KLRG1: variants seen among roughly 807,000 people sequenced by gnomAD.
KLRG1 encodes killer cell lectin-like receptor subfamily G member 1.
In KLRG1, 16 loss-of-function variants were observed where a neutral mutation model predicts 21.8. The observed-to-expected ratio is 0.73, with a 90% CI of 0.50 to 1.11. The LOEUF (loss-of-function observed/expected upper bound fraction) is 1.11. Ranked by LOEUF, KLRG1 falls within the 50% of genes most tolerant of loss-of-function variation. The probability of loss-of-function intolerance (pLI) is 0.00; values close to 1 mark genes in which losing one functional copy is unlikely to be tolerated. For missense variants in KLRG1, 173 were observed against 218.3 expected, an observed-to-expected ratio of 0.79 and a Z score of 1.31; for synonymous variants, 69 against 75.9, an observed-to-expected ratio of 0.91 and a Z score of 0.47.
chr12:9,052,868 C>T, the KLRG1 span: 1 of 454,824 alleles, frequency 2.2e-6, no homozygotes, highest in Non-Finnish European at 4.4e-6. Flanking sequence ...AAAGCAGTGC[C>T]AGGCAGATGG....
At chr12:9,211,930 T>C in the KLRG1 span, among the ~76,000 whole-genome samples, 1 of 152,140 alleles carries the variant, frequency 6.6e-6, no homozygotes, top group Admixed American at 6.5e-5. Context: ...CCTGGGTAAA[T>C]TGGACTGCCT....
chr12:8,962,473 G>A (rs1946396784), intron 1 of KLRG1, among the ~76,000 whole-genome samples: 1 of 152,036 alleles, frequency 6.6e-6, no homozygotes, highest in Admixed American at 6.5e-5. Flanking sequence ...CAGAACTTTG[G>A]GAGGCTGAGG....
intron 1 of KLRG1, among the ~76,000 whole-genome samples, chr12:8,967,019 G>A (rs1462599716): frequency 2.4e-3 from 362 of 148,404 alleles, no homozygotes; most frequent in Non-Finnish European, 4.4e-3. Flanking sequence ...AAAATGATGA[G>A]TTCATGTCCT....
chr12:9,052,902 A>C, the KLRG1 span: 1 of 431,194 alleles, frequency 2.3e-6, no homozygotes, highest in Non-Finnish European at 4.5e-6. Context: ...TTGCCTTTTA[A>C]AAAATTAACC....
chr12:8,964,378 TG>T (rs1946429819), intron 1 of KLRG1, among the ~76,000 whole-genome samples: 1 of 152,242 alleles, frequency 6.6e-6, no homozygotes, highest in African/African-American at 2.4e-5. Context: ...AGTTCTAGTT[TG>T]ATTGCACTGT....
intron 1 of KLRG1, among the ~76,000 whole-genome samples, chr12:8,958,695 A>C (rs1325688084): frequency 6.6e-6 from 1 of 152,174 alleles, no homozygotes; most frequent in Non-Finnish European, 1.5e-5. Flanking sequence ...GTCTCTACAA[A>C]AAAACCTAAG....
At chr12:9,075,914 T>C in the KLRG1 span, among the ~76,000 whole-genome samples, 1 of 152,224 alleles carries the variant, frequency 6.6e-6, no homozygotes, top group Admixed American at 6.5e-5. Flanking sequence ...CCCTTTTGTA[T>C]ATCTATTATA....
the KLRG1 span, chr12:9,113,646 C>G: frequency 1.7e-6 from 2 of 1,161,936 alleles, no homozygotes; most frequent in African/African-American, 1.5e-5. Flanking sequence ...AGTTCTACAC[C>G]AAGAGAAGAT....
At chr12:9,049,967 T>A in the KLRG1 span, among the ~76,000 whole-genome samples, 1 of 152,312 alleles carries the variant, frequency 6.6e-6, no homozygotes, top group Middle Eastern at 3.4e-3. Flanking sequence ...ATTCCTCACT[T>A]CAAATCAAGA....
the KLRG1 span, among the ~76,000 whole-genome samples, chr12:9,191,307 C>T: frequency 7.2e-5 from 11 of 152,172 alleles, no homozygotes; most frequent in African/African-American, 2.6e-4. Context: ...GAACAATGTA[C>T]ACAGTGGGGT....
At chr12:9,171,571 T>G in the KLRG1 span, among the ~76,000 whole-genome samples, 3 of 152,018 alleles carry the variant, frequency 2.0e-5, no homozygotes, top group African/African-American at 7.2e-5. Context: ...TGTAACCCAA[T>G]GAAAAGAAGC....
At chr12:9,072,407 C>A in the KLRG1 span, 1 of 1,613,744 alleles carries the variant, frequency 6.2e-7, no homozygotes, top group Non-Finnish European at 8.5e-7. Flanking sequence ...GGGTTCATCA[C>A]AAGTTTGAGG....
the KLRG1 span, among the ~76,000 whole-genome samples, chr12:9,128,929 TCTAA>T: frequency 6.6e-5 from 10 of 152,200 alleles, no homozygotes; most frequent in African/African-American, 2.4e-4. Context: ...GTATTTAGGC[TCTAA>T]CTATGATAAA....
chr12:8,968,406 A>G (rs1216387279), intron 1 of KLRG1, among the ~76,000 whole-genome samples: 1 of 152,212 alleles, frequency 6.6e-6, no homozygotes, highest in Non-Finnish European at 1.5e-5. Context: ...ATAATTTTAT[A>G]AGGATAAAAG....
At chr12:9,093,395 A>G in the KLRG1 span, 1 of 1,044,792 alleles carries the variant, frequency 9.6e-7, no homozygotes, top group South Asian at 1.3e-5. Flanking sequence ...AAAACAGAAA[A>G]ACTAGCAAAG....
At chr12:9,111,304 T>A in the KLRG1 span, among the ~76,000 whole-genome samples, 2 of 152,154 alleles carry the variant, frequency 1.3e-5, no homozygotes, top group Non-Finnish European at 2.9e-5. Context: ...GGCAGATTTT[T>A]AAAAATCAAT....
the KLRG1 span, chr12:9,181,042 G>A: frequency 2.0e-5 from 33 of 1,614,184 alleles, no homozygotes; most frequent in South Asian, 9.9e-5. Context: ...TCCACAGCAC[G>A]AAGGGCACAG....
At chr12:9,080,738 A>G in the KLRG1 span, among the ~76,000 whole-genome samples, 2 of 152,222 alleles carry the variant, frequency 1.3e-5, no homozygotes, top group Non-Finnish European at 2.9e-5. Context: ...TGAAAATAAA[A>G]TAATTACTAC....
intron 1 of KLRG1, among the ~76,000 whole-genome samples, chr12:8,962,623 G>A (rs1215391599): frequency 1.3e-5 from 2 of 151,736 alleles, no homozygotes; most frequent in Non-Finnish European, 2.9e-5. Flanking sequence ...TGCTGAGGTG[G>A]GAGGATAGCT....
Sources: allele counts gnomAD v4.1 joint callset (sites outside exome capture counted in the v4.1 genomes callset), GRCh38; gene constraint gnomAD v4.1.1; transcripts MANE v1.5; gene names NCBI Gene and HGNC (gene_info 2026-07-23, HGNC 2026-07-21).